The following CA10 variants were observed in gnomAD, a reference collection of about 807,000 sequenced individuals.
CA10 encodes the protein carbonic anhydrase-related protein 10.
CA10 carries 14 observed loss-of-function variants against 44.2 expected under a neutral mutation model. The observed-to-expected ratio is 0.32, with a 90% confidence interval of 0.21 to 0.50. The LOEUF (loss-of-function observed/expected upper bound fraction) is 0.50. Among genes scored for constraint, CA10 ranks in the 20% least tolerant of loss-of-function variants. The probability of loss-of-function intolerance (pLI) is 0.99; values close to 1 mark genes in which losing one functional copy is unlikely to be tolerated. For missense variants in CA10, 350 were observed against 409.7 expected, an observed-to-expected ratio of 0.85 and a Z score of 1.26; for synonymous variants, 159 against 141.6, an observed-to-expected ratio of 1.12 and a Z score of -0.87.
rs1390622459 is a variant in CA10 at position 52,157,938 on chromosome 17, C to T, written c.-152G>A. ...GACAGCCGGCCAGGGACAGTCACCC[C>T]CAAGATCAATATCGCAGTTTGAATT... On this transcript the variant is annotated 5_prime_UTR_variant, in exon 1 of 9. Coordinates refer to ENST00000451037, the MANE Select transcript of CA10 (RefSeq NM_020178.5). The T allele has an allele frequency of 1.4e-6, 1 of 703,576 alleles. No homozygotes were observed. Among genetic ancestry groups the T allele is most frequent in the Non-Finnish European group, 2.6e-6 (1 of 387,462 alleles). 43.6% of individuals were successfully genotyped at this position (703,576 alleles called of 1,614,324 possible). A position where few individuals can be genotyped will look rare whatever the true frequency, so the allele number is the denominator to read the frequency against.
intron 2 of CA10, among the ~76,000 whole-genome samples, chr17:52,028,456 G>A (rs752166909): frequency 2.6e-5 from 4 of 152,128 alleles, no homozygotes; most frequent in African/African-American, 4.8e-5. Context: ...GCATTTCAGT[G>A]AAATTGGAAT....
chr17:51,935,917 G>C (rs203097), intron 2 of CA10, among the ~76,000 whole-genome samples: 2 of 151,964 alleles, frequency 1.3e-5, no homozygotes, highest in Admixed American at 1.3e-4. Context: ...AGTTAAAACT[G>C]GCCTTGACTT....
At chr17:52,045,762 G>A (rs563949979) in intron 2 of CA10, among the ~76,000 whole-genome samples, 6 of 151,988 alleles carry the variant, frequency 3.9e-5, no homozygotes, top group South Asian at 4.2e-4. Context: ...GAACCTAAAC[G>A]ACATGTATTT....
chr17:51,968,150 T>C (rs1203869163), intron 2 of CA10, among the ~76,000 whole-genome samples: 1 of 151,876 alleles, frequency 6.6e-6, no homozygotes, highest in Non-Finnish European at 1.5e-5. Flanking sequence ...AACAGTTTGA[T>C]AATTTGTTAT....
chr17:52,075,488 A>G (rs1211166414), intron 1 of CA10, among the ~76,000 whole-genome samples: 1 of 152,216 alleles, frequency 6.6e-6, no homozygotes, highest in Non-Finnish European at 1.5e-5. Context: ...TTTGTAAGAC[A>G]TGCTTTGTGT....
Position 52,157,711 on chromosome 17 carries a change from C to T in CA10, c.61+15G>A. 1 of 1,612,716 alleles carries T rather than the reference C, an allele frequency of 6.2e-7. No homozygotes were observed. The highest frequency in any genetic ancestry group is 8.5e-7 in the Non-Finnish European group (1 of 1,178,722). ...CATAATCCAAATCAGCCAGTGACTT[C>T]GGCGCGTCCCGTACCTGATATGCAG... On this transcript the variant is annotated intron_variant, in intron 1 of 8. Coordinates refer to ENST00000451037, the MANE Select transcript of CA10 (RefSeq NM_020178.5).
intron 4 of CA10, among the ~76,000 whole-genome samples, chr17:51,681,973 G>A (rs1332588791): frequency 6.6e-6 from 1 of 152,190 alleles, no homozygotes; most frequent in East Asian, 1.9e-4. Context: ...ATGCAGGATT[G>A]CTTTGATTTT....
chr17:51,986,016 G>C (rs1366371105), intron 2 of CA10, among the ~76,000 whole-genome samples: 1 of 151,836 alleles, frequency 6.6e-6, no homozygotes, highest in African/African-American at 2.4e-5. Flanking sequence ...AAATTCATAG[G>C]GAAGCAAAGA....
At chr17:51,992,386 C>T (rs1017916751) in intron 2 of CA10, among the ~76,000 whole-genome samples, 4 of 152,090 alleles carry the variant, frequency 2.6e-5, no homozygotes, top group Admixed American at 2.0e-4. Flanking sequence ...ATGTCTCCTC[C>T]AGTAGGTCTT....
At chr17:51,836,879 A>G (rs1204062371) in intron 3 of CA10, among the ~76,000 whole-genome samples, 1 of 152,050 alleles carries the variant, frequency 6.6e-6, no homozygotes, top group Non-Finnish European at 1.5e-5. Flanking sequence ...GAGAGAAAGG[A>G]GCTTGTTATG....
At chr17:51,915,019 A>G (rs952659158) in intron 3 of CA10, among the ~76,000 whole-genome samples, 2 of 152,118 alleles carry the variant, frequency 1.3e-5, no homozygotes, top group Non-Finnish European at 2.9e-5. Flanking sequence ...GATCTGGGGT[A>G]TTTTAGAATT....
chr17:52,103,136 A>G (rs1988579708), intron 1 of CA10, among the ~76,000 whole-genome samples: 1 of 152,230 alleles, frequency 6.6e-6, no homozygotes, highest in African/African-American at 2.4e-5. Flanking sequence ...TCAGAGTCTG[A>G]GGGTTATACC....
At chr17:51,889,358 CG>C (rs149623377) in intron 3 of CA10, among the ~76,000 whole-genome samples, 3,868 of 152,010 alleles carry the variant, frequency 0.025, 66 homozygotes, top group Non-Finnish European at 0.037. Context: ...CCTGTCTCTA[CG>C]AAAAATACAA....
chr17:52,091,023 C>G (rs1988244447), intron 1 of CA10, among the ~76,000 whole-genome samples: 1 of 152,004 alleles, frequency 6.6e-6, no homozygotes, highest in Non-Finnish European at 1.5e-5. Flanking sequence ...TATTATGGAA[C>G]ACTCACACTA....
chr17:51,839,319 C>T (rs1287052825), intron 3 of CA10, among the ~76,000 whole-genome samples: 4 of 151,604 alleles, frequency 2.6e-5, no homozygotes, highest in African/African-American at 9.7e-5. Context: ...GGTGAAACCC[C>T]GTCTCTACTT....
chr17:51,669,078 C>T (rs556930693), intron 4 of CA10, among the ~76,000 whole-genome samples: 83 of 152,326 alleles, frequency 5.4e-4, no homozygotes, highest in Non-Finnish European at 9.7e-4. Context: ...CGTGGGCTCC[C>T]GCATGGCCTT....
chr17:51,777,124 T>C (rs1905852175), intron 3 of CA10, among the ~76,000 whole-genome samples: 1 of 152,198 alleles, frequency 6.6e-6, no homozygotes, highest in Admixed American at 6.5e-5. Flanking sequence ...ATATGATTTG[T>C]AGGTTTCTGG....
intron 3 of CA10, among the ~76,000 whole-genome samples, chr17:51,915,722 T>C (rs531459721): frequency 1.3e-5 from 2 of 152,272 alleles, no homozygotes; most frequent in Admixed American, 6.5e-5. Flanking sequence ...CAGATGACAT[T>C]GATGTCTTAT....
At chr17:52,128,480 G>A (rs770308087) in intron 1 of CA10, among the ~76,000 whole-genome samples, 3 of 152,022 alleles carry the variant, frequency 2.0e-5, no homozygotes, top group East Asian at 1.9e-4. Context: ...TTCATGGGTC[G>A]TCCACTGTGG....
Sources: gnomAD v4.1 joint callset for allele counts (sites outside exome capture counted in the v4.1 genomes callset) on GRCh38, gnomAD v4.1.1 for gene constraint, MANE v1.5 for transcripts, NCBI Gene and HGNC (gene_info 2026-07-23, HGNC 2026-07-21) for gene names.